MORC4: variants seen among roughly 807,000 people sequenced by gnomAD.
The protein encoded by MORC4 is MORC family CW-type zinc finger protein 4.
MORC4 carries 22 observed loss-of-function variants against 65.5 expected under a neutral mutation model. The observed-to-expected ratio is 0.34, with a 90% CI of 0.24 to 0.48. MORC4 has a LOEUF of 0.48. Ranked by LOEUF, MORC4 falls within the 20% of genes least tolerant of loss-of-function variation. The pLI is 0.99. For synonymous variants in MORC4, 267 were observed against 255.8 expected (o/e 1.04, Z -0.42); for missense variants, 624 against 703.0 (o/e 0.89, Z 1.27).
chrX:106,967,017 C>G (rs1470152462), intron 9 of MORC4, among the ~76,000 whole-genome samples: 1 of 111,898 alleles, frequency 8.9e-6, no homozygotes. Flanking sequence ...AAGTCCCTGA[C>G]CCCCGTGTAG....
chrX:106,978,221 A>G (rs755662593), intron 7 of MORC4, 22 bp from the exon 8 acceptor site: 4 of 1,187,693 alleles, frequency 3.4e-6, no homozygotes, highest in Non-Finnish European at 4.5e-6. Flanking sequence ...ATCGTTAAGG[A>G]GACAAACATA....
intron 10 of MORC4, among the ~76,000 whole-genome samples, chrX:106,958,915 CA>C (rs1005347754): frequency 1.8e-5 from 2 of 111,187 alleles, no homozygotes; most frequent in Admixed American, 1.9e-4. Context: ...TCCTTCTGTC[CA>C]ATCATGTAAC....
chrX:106,962,080 G>C lies in MORC4; in HGVS notation c.1188C>G (p.Leu396=). The C allele has an allele frequency of 8.3e-7, 1 of 1,207,303 alleles. No homozygotes were observed. The highest frequency in any genetic ancestry group is 1.1e-6 in the Non-Finnish European group (1 of 892,000). ...RLTINALAQK[L]NAYWKEKTSQ... is the part of the protein sequence containing the mutation. ...ATGTTTTTTCCTTCCAGTAAGCATTGAGCTTCTGGGCAAGGGCATTTATTG... is the reference window on the plus strand; with the variant it reads ...ATGTTTTTTCCTTCCAGTAAGCATTCAGCTTCTGGGCAAGGGCATTTATTG... Residue 396 remains leucine, a synonymous_variant, in exon 10 of 17, where the codon CTC becomes CTG. Coordinates refer to ENST00000355610, the MANE Select transcript of MORC4 (RefSeq NM_024657.5).
chrX:106,993,328 C>T lies in MORC4; in HGVS notation c.210G>A (p.Thr70=), dbSNP rs896474913. ...TGACCTCCTCAACATCTATAAAGAC[C>T]GTCCTGGCAGATACATCTGGATCTA... The part of the protein sequence containing the change: ...NAVDPDVSAR[T]VFIDVEEVKN... Residue 70 remains threonine, a synonymous_variant, in exon 3 of 17, where the codon ACG becomes ACA. Coordinates refer to ENST00000355610, the MANE Select transcript of MORC4 (RefSeq NM_024657.5). 5.0e-6 allele frequency: 6 copies of T among 1,209,200 alleles called. No homozygotes were observed. Among genetic ancestry groups the T allele is most frequent in the Admixed American group, 4.4e-5 (2 of 45,934 alleles).
At chrX:106,975,353 G>T (rs1053047877) in intron 9 of MORC4, among the ~76,000 whole-genome samples, 1 of 110,682 alleles carries the variant, frequency 9.0e-6, no homozygotes, top group Non-Finnish European at 1.9e-5. Flanking sequence ...TTCCATTATG[G>T]GCCAGATTTA....
chrX:106,948,837 C>T (rs1037966449), intron 14 of MORC4, among the ~76,000 whole-genome samples: 1 of 111,331 alleles, frequency 9.0e-6, no homozygotes, highest in African/African-American at 3.3e-5. Context: ...CATGATGAAT[C>T]ATTTTCTCTT....
chrX:106,977,846 T>TA (rs1287539259), intron 8 of MORC4, among the ~76,000 whole-genome samples: 1 of 111,539 alleles, frequency 9.0e-6, no homozygotes, highest in East Asian at 2.8e-4. Flanking sequence ...TATTGACAGC[T>TA]ACTTAGAAAA....
rs1933694322 is a variant in MORC4 at position 106,941,922 on chromosome X, A to T, written c.2660+16T>A. ...ATTAGCACTCACAAGCTGATAACTA[A>T]ACCCTAGTAATTAACCTTTCTAGGT... is the stretch of plus-strand genomic sequence containing the variant. On this transcript the variant is annotated intron_variant, in intron 16 of 16. Transcript: ENST00000355610. 1 of 1,196,229 alleles carries T rather than the reference A, an allele frequency of 8.4e-7. No homozygotes were observed.
Position 106,981,789 on chromosome X carries a change from T to C in MORC4, c.675-312A>G, listed in dbSNP as rs778845518. Among the ~76,000 whole-genome samples, 14 of 111,974 alleles carry C rather than the reference T, an allele frequency of 1.3e-4. No individual in the cohort carries two copies. The East Asian group carries it at 3.9e-3, about 31-fold the overall frequency. On this transcript the variant is annotated intron_variant, in intron 5 of 16. Transcript: ENST00000355610. Reference sequence around the variant, plus strand: ...GTCAGCTATCCTCAAAGTGGGATCTTGAAATAGACACAAGCTTTCTGGGTA... The same window carrying C: ...GTCAGCTATCCTCAAAGTGGGATCTCGAAATAGACACAAGCTTTCTGGGTA...
In MORC4 at chrX:106,986,158, G is replaced by A. The variant is rs1291614960; in HGVS notation, c.351C>T (p.Pro117=). ...TDKVIKKSQC[P]IGVFGNGFKS... ...TGAAACCATTACCAAAGACCCCAAT[G>A]GGACACTGGCTCTTCTTTATTACTT... Residue 117 remains proline (P), a synonymous_variant, in exon 4 of 17, where the codon CCC becomes CCT. Coordinates refer to ENST00000355610, the MANE Select transcript of MORC4 (RefSeq NM_024657.5). The A allele has an allele frequency of 2.5e-6, 3 of 1,209,600 alleles. No homozygotes were observed. Among genetic ancestry groups the A allele is most frequent in the East Asian group, 3.0e-5 (1 of 33,805 alleles).
intron 2 of MORC4, among the ~76,000 whole-genome samples, chrX:106,994,222 T>C (rs1488106500): frequency 8.9e-6 from 1 of 112,252 alleles, no homozygotes; most frequent in East Asian, 2.8e-4. Flanking sequence ...TGCCGCATGT[T>C]TTTGCCACAG....
Position 106,986,162 on chromosome X carries a change from C to T in MORC4, c.347G>A (p.Cys116Tyr). 1 of 1,208,726 alleles carries T rather than the reference C, an allele frequency of 8.3e-7. No individual in the cohort carries two copies. Among genetic ancestry groups the T allele is most frequent in the Non-Finnish European group, 1.1e-6 (1 of 894,015 alleles). Residue 116 changes from cysteine (C) to tyrosine (Y), a missense_variant, in exon 4 of 17, where the codon TGT (cysteine) becomes TAT (tyrosine). Coordinates refer to ENST00000355610, the MANE Select transcript of MORC4 (RefSeq NM_024657.5). ...ACCATTACCAAAGACCCCAATGGGA[C>T]ACTGGCTCTTCTTTATTACTTTATC... is the stretch of plus-strand genomic sequence containing the variant. ...FTDKVIKKSQCPIGVFGNGFK... is the reference protein window; with the variant it reads ...FTDKVIKKSQYPIGVFGNGFK...
At chrX:106,999,014 G>T (rs1380334716) in intron 2 of MORC4, among the ~76,000 whole-genome samples, 2 of 112,166 alleles carry the variant, frequency 1.8e-5, no homozygotes, top group Non-Finnish European at 3.8e-5. Flanking sequence ...CCACACAGTA[G>T]CACACTACTG....
intron 14 of MORC4, among the ~76,000 whole-genome samples, 159 bp from the exon 15 acceptor site, chrX:106,943,364 A>T (rs1933747148): frequency 8.9e-6 from 1 of 111,919 alleles, no homozygotes; most frequent in Non-Finnish European, 1.9e-5. Flanking sequence ...CACAAGCCTC[A>T]ACCATTTCAC....
At chrX:106,943,287 T>G in intron 14 of MORC4, 82 bp from the exon 15 acceptor site, 1 of 752,209 alleles carries the variant, frequency 1.3e-6, no homozygotes, top group Non-Finnish European at 2.0e-6. Context: ...CAACTCAAAC[T>G]TCCCATATTC....
At chrX:106,984,997 T>C in intron 5 of MORC4, 99 bp downstream of exon 5, 1 of 779,261 alleles carries the variant, frequency 1.3e-6, no homozygotes, top group Non-Finnish European at 1.8e-6. Context: ...AATGAGACCC[T>C]GTCTTTTTAT....
chrX:106,989,538 T>C (rs781404588), intron 3 of MORC4, among the ~76,000 whole-genome samples: 7 of 111,989 alleles, frequency 6.3e-5, no homozygotes, highest in Non-Finnish European at 1.3e-4. Context: ...TAATTACTTC[T>C]ATTATTTTTT....
rs1489855893 is a variant in MORC4 at position 106,941,637 on chromosome X, A to G, written c.2661-5T>C. 6 of 1,207,584 alleles carry G rather than the reference A, an allele frequency of 5.0e-6. No homozygotes were observed. The South Asian group carries it at 1.1e-4, about 21-fold the overall frequency. ...CGCGTAAGCTTTGCCAAAGCCCTGT[A>G]TGAAGGAGTGAGGGGGCAGGAGAAG... On this transcript the variant is annotated splice_region_variant and splice_polypyrimidine_tract_variant and intron_variant, in intron 16 of 16. Coordinates refer to ENST00000355610, the MANE Select transcript of MORC4 (RefSeq NM_024657.5).
intron 2 of MORC4, among the ~76,000 whole-genome samples, chrX:106,995,258 T>C (rs1935056086): frequency 9.0e-6 from 1 of 110,964 alleles, no homozygotes; most frequent in Admixed American, 9.6e-5. Flanking sequence ...TTCAATGTTA[T>C]ACACTGCTGC....
Sources: allele counts gnomAD v4.1 joint callset (sites outside exome capture counted in the v4.1 genomes callset), GRCh38; gene constraint gnomAD v4.1.1; transcripts MANE v1.5; gene names NCBI Gene and HGNC (gene_info 2026-07-23, HGNC 2026-07-21).